The following TSPAN9 variants were observed in gnomAD, a reference collection of about 807,000 sequenced individuals.
TSPAN9 encodes tetraspanin-9.
TSPAN9 carries 16 observed loss-of-function variants against 31.0 expected under a neutral mutation model. The observed-to-expected ratio is 0.52, with a 90% CI of 0.35 to 0.78. TSPAN9 has a LOEUF of 0.78. TSPAN9 is among the 30% of genes least tolerant of loss of function. The pLI, the probability that TSPAN9 is intolerant of heterozygous loss-of-function variation, is 0.01. For missense variants in TSPAN9, 272 were observed against 312.5 expected (o/e 0.87, Z 0.98); for synonymous variants, 145 against 121.6 (o/e 1.19, Z -1.27).
chr12:3,213,556 T>C (rs11835656), intron 3 of TSPAN9, among the ~76,000 whole-genome samples: 91,801 of 151,946 alleles, frequency 0.6, 27,893 homozygotes, highest in East Asian at 0.65. Flanking sequence ...AATGCTGATG[T>C]GGTACTGAGT....
At chr12:3,141,023 G>C (rs574339906) in intron 2 of TSPAN9, among the ~76,000 whole-genome samples, 1 of 151,322 alleles carries the variant, frequency 6.6e-6, no homozygotes, top group East Asian at 2.0e-4. Context: ...GGGAGGGAGG[G>C]GGAATTTTTG....
chr12:3,225,746 T>G (rs1321430554), intron 3 of TSPAN9, among the ~76,000 whole-genome samples: 1 of 151,990 alleles, frequency 6.6e-6, no homozygotes, highest in African/African-American at 2.4e-5. Flanking sequence ...AAGGGATTTT[T>G]TTTTTTTCAA....
chr12:3,230,060 C>T (rs1334561828), intron 3 of TSPAN9, among the ~76,000 whole-genome samples: 1 of 152,160 alleles, frequency 6.6e-6, no homozygotes, highest in Non-Finnish European at 1.5e-5. Flanking sequence ...CCCTTCCTTT[C>T]TTCTCCTCCC....
chr12:3,081,089 C>A (rs947832367), intron 1 of TSPAN9, among the ~76,000 whole-genome samples: 1 of 152,176 alleles, frequency 6.6e-6, no homozygotes, highest in Non-Finnish European at 1.5e-5. Flanking sequence ...ACCAAGTACT[C>A]AGGGTGTTGG....
At chr12:3,100,992 C>G (rs1015439644) in intron 2 of TSPAN9, among the ~76,000 whole-genome samples, 2 of 152,194 alleles carry the variant, frequency 1.3e-5, no homozygotes, top group Non-Finnish European at 2.9e-5. Context: ...GGGTGTGGAG[C>G]TTGGGCTCCC....
chr12:3,244,615 C>G (rs1262429669), intron 3 of TSPAN9, among the ~76,000 whole-genome samples: 1 of 152,238 alleles, frequency 6.6e-6, no homozygotes, highest in Non-Finnish European at 1.5e-5. Flanking sequence ...GCGCTGCAGG[C>G]AGACAGCGAG....
intron 2 of TSPAN9, among the ~76,000 whole-genome samples, chr12:3,102,607 T>G (rs970730268): frequency 2.6e-5 from 4 of 151,882 alleles, no homozygotes; most frequent in Non-Finnish European, 5.9e-5. Context: ...CCGGCTAATT[T>G]TTTGTATTTT....
intron 2 of TSPAN9, among the ~76,000 whole-genome samples, chr12:3,161,957 A>C (rs2098345580): frequency 6.6e-6 from 1 of 152,122 alleles, no homozygotes; most frequent in Admixed American, 6.6e-5. Flanking sequence ...TTGGGATTAC[A>C]GGCATGAGCC....
rs201701353 is a variant in TSPAN9 at position 3,281,968 on chromosome 12, G to A, written c.648+151G>A. On this transcript the variant is annotated intron_variant, in intron 8 of 8. Coordinates refer to ENST00000011898, the MANE Select transcript of TSPAN9 (RefSeq NM_006675.5). ...AAGCTTAGCAGCTGTGCCTGCCACC[G>A]TTTCCGCAGAGCTCTGATATGAGAG... The A allele has an allele frequency of 3.8e-5, 33 of 874,776 alleles. No homozygotes were observed. In the Admixed American group the frequency reaches 5.6e-4, roughly 15 times the overall value. The allele number at this position is 874,776 out of a possible 1,614,324, so 54.2% of individuals were successfully genotyped here. A position where few individuals can be genotyped will look rare whatever the true frequency, so the allele number is the denominator to read the frequency against.
At chr12:3,255,733 A>G (rs1219725162) in intron 3 of TSPAN9, among the ~76,000 whole-genome samples, 1 of 152,268 alleles carries the variant, frequency 6.6e-6, no homozygotes. Context: ...TATGGTGAGT[A>G]TCTTTCAAAC....
intron 2 of TSPAN9, among the ~76,000 whole-genome samples, chr12:3,112,617 A>G (rs947540586): frequency 9.0e-5 from 12 of 133,022 alleles, no homozygotes; most frequent in Non-Finnish European, 2.0e-4. Context: ...TGTAAAACTG[A>G]TTTTGTTTCA....
chr12:3,212,815 GTC>G (rs1356037972), intron 3 of TSPAN9, among the ~76,000 whole-genome samples: 2 of 152,166 alleles, frequency 1.3e-5, no homozygotes, highest in Non-Finnish European at 2.9e-5. Context: ...CCTGCCATCT[GTC>G]TTCTGATCAG....
chr12:3,124,810 C>T (rs2098326607), intron 2 of TSPAN9: 1 of 152,094 alleles, frequency 6.6e-6, no homozygotes, highest in Non-Finnish European at 1.5e-5. Flanking sequence ...GTAATCCCAG[C>T]ATTTTGGGAG....
intron 2 of TSPAN9, among the ~76,000 whole-genome samples, chr12:3,184,361 G>C (rs1454224968): frequency 1.3e-5 from 2 of 151,982 alleles, no homozygotes; most frequent in African/African-American, 4.8e-5. Flanking sequence ...TTGTGCCACT[G>C]TGTTCCAGCC....
chr12:3,093,290 TTGGGGGCCAGGCG>T (rs2098305879), intron 2 of TSPAN9, among the ~76,000 whole-genome samples: 1 of 152,122 alleles, frequency 6.6e-6, no homozygotes, highest in Non-Finnish European at 1.5e-5. Flanking sequence ...GACCCTGTCT[TTGGGGGCCAGGCG>T]TGGGGGGCAG....
intron 2 of TSPAN9, among the ~76,000 whole-genome samples, chr12:3,113,847 A>T (rs888852068): frequency 6.6e-6 from 1 of 152,178 alleles, no homozygotes; most frequent in East Asian, 1.9e-4. Flanking sequence ...CCATGTCCCC[A>T]GGTCCAGAGG....
At chr12:3,217,507 C>T (rs564983534) in intron 3 of TSPAN9, among the ~76,000 whole-genome samples, 34 of 152,294 alleles carry the variant, frequency 2.2e-4, no homozygotes, top group South Asian at 4.2e-4. Context: ...CCAGAGGCCC[C>T]GTGTCATTGA....
chr12:3,133,126 C>T (rs11062523), intron 2 of TSPAN9, among the ~76,000 whole-genome samples: 90,958 of 152,072 alleles, frequency 0.6, 27,439 homozygotes, highest in Admixed American at 0.65. Context: ...ATTTCAGGCA[C>T]GAATGAGCAG....
At chr12:3,126,746 A>G (rs1339014658) in intron 2 of TSPAN9, among the ~76,000 whole-genome samples, 1 of 151,094 alleles carries the variant, frequency 6.6e-6, no homozygotes, top group African/African-American at 2.4e-5. Flanking sequence ...CTGTCTCTAC[A>G]AAAACTACCT....
Sources: gnomAD v4.1 joint callset for allele counts (sites outside exome capture counted in the v4.1 genomes callset) on GRCh38, gnomAD v4.1.1 for gene constraint, MANE v1.5 for transcripts, NCBI Gene and HGNC (gene_info 2026-07-23, HGNC 2026-07-21) for gene names.